The following HTR2C variants were observed in gnomAD, a reference collection of about 807,000 sequenced individuals.
HTR2C encodes the protein 5-hydroxytryptamine receptor 2C, also known as 5-hydroxytryptamine (serotonin) receptor 2C, G protein-coupled.
A neutral mutation model predicts 21.0 loss-of-function variants in HTR2C; 5 were observed. The ratio of observed to expected loss-of-function variants is 0.24; its 90% CI spans 0.12 to 0.50. The LOEUF (loss-of-function observed/expected upper bound fraction) is 0.50, where lower values mean the gene tolerates loss of function less well. HTR2C is among the 20% of genes least tolerant of loss of function. The pLI, the probability that HTR2C is intolerant of heterozygous loss-of-function variation, is 0.98. For synonymous variants in HTR2C, 150 were observed against 145.3 expected (o/e 1.03, Z -0.23); for missense variants, 271 against 371.2 (o/e 0.73, Z 2.22).
intron 1 of HTR2C, among the ~76,000 whole-genome samples, chrX:114,608,435 A>G (rs1300511955): frequency 3.7e-5 from 2 of 54,278 alleles, no homozygotes; most frequent in African/African-American, 6.4e-5. Flanking sequence ...CCCCAGCACT[A>G]GGCAACCAGT....
rs1173101259 is a variant in HTR2C at position 114,603,670 on chromosome X, C to T, written c.-146-10145C>T. ...AATGGGGGCTGTCTGTGAAGCTTTG[C>T]GGCAGTACAGCCTAGGTAATTTGCT... On this transcript the variant is annotated intron_variant, in intron 1 of 5. Coordinates refer to ENST00000276198, the MANE Select transcript of HTR2C (RefSeq NM_000868.4). 2.4e-4 allele frequency among the ~76,000 whole-genome samples: 10 copies of T among 42,451 alleles called. 1 individual carries two copies. Among genetic ancestry groups the T allele is most frequent in the African/African-American group, 9.3e-4 (10 of 10,703 alleles). The allele number at this position is 42,451 out of a possible 115,157, so 36.9% of individuals were successfully genotyped here.
At chrX:114,858,796 A>G (rs2070983988) in intron 5 of HTR2C, among the ~76,000 whole-genome samples, 1 of 110,858 alleles carries the variant, frequency 9.0e-6, no homozygotes, top group African/African-American at 3.3e-5. Flanking sequence ...CAACATTAAG[A>G]ATAATATTTG....
At chrX:114,818,311 G>A (rs1305296277) in intron 4 of HTR2C, among the ~76,000 whole-genome samples, 1 of 111,830 alleles carries the variant, frequency 8.9e-6, no homozygotes, top group Non-Finnish European at 1.9e-5. Context: ...GAGGATCTCA[G>A]TATCTAATGA....
At chrX:114,727,300 T>C (rs1314987803) in intron 3 of HTR2C, among the ~76,000 whole-genome samples, 1 of 112,093 alleles carries the variant, frequency 8.9e-6, no homozygotes, top group Non-Finnish European at 1.9e-5. Flanking sequence ...CTTTTCCTTC[T>C]TGCATGAACT....
At chrX:114,696,857 A>G (rs1932294296) in intron 2 of HTR2C, among the ~76,000 whole-genome samples, 1 of 111,250 alleles carries the variant, frequency 9.0e-6, no homozygotes, top group Non-Finnish European at 1.9e-5. Flanking sequence ...AGCAAAGAAA[A>G]TAATGCTCAT....
intron 1 of HTR2C, among the ~76,000 whole-genome samples, chrX:114,597,129 A>T (rs1927889134): frequency 9.4e-6 from 1 of 106,585 alleles, no homozygotes; most frequent in Admixed American, 1.0e-4. Context: ...GAGGCAGGAG[A>T]ATCACTTGAA....
intron 2 of HTR2C, among the ~76,000 whole-genome samples, chrX:114,674,424 G>T (rs1384693477): frequency 9.0e-6 from 1 of 111,650 alleles, no homozygotes; most frequent in African/African-American, 3.3e-5. Context: ...TTGTTTTCAA[G>T]AATTTATTTT....
chrX:114,861,546 T>A (rs2071006397), intron 5 of HTR2C, among the ~76,000 whole-genome samples: 1 of 111,720 alleles, frequency 9.0e-6, no homozygotes, highest in Admixed American at 9.6e-5. Context: ...ATTTCTAAAA[T>A]ATTAATTTTG....
rs782335724 is a variant in HTR2C at position 114,743,027 on chromosome X, A to G, written c.349+11420A>G. On this transcript the variant is annotated intron_variant, in intron 4 of 5. Transcript: ENST00000276198. ...AGTTTACTGAGAATGATGGTTTCCA[A>G]TTTCATCCATGTCCCTACAAAGGAC... Among the ~76,000 whole-genome samples the G allele has an allele frequency of 5.0e-4, 33 of 66,312 alleles. 1 individual carries two copies. The highest frequency in any genetic ancestry group is 4.6e-3 in the South Asian group (5 of 1,079). 57.6% of individuals were successfully genotyped at this position (66,312 alleles called of 115,157 possible). A position where few individuals can be genotyped will look rare whatever the true frequency, so the allele number is the denominator to read the frequency against.
chrX:114,616,176 C>G (rs1324700052), intron 2 of HTR2C, among the ~76,000 whole-genome samples: 1 of 109,379 alleles, frequency 9.1e-6, no homozygotes, highest in Non-Finnish European at 1.9e-5. Context: ...AGAAGAGTAC[C>G]AAGAGTTTTA....
intron 4 of HTR2C, among the ~76,000 whole-genome samples, chrX:114,805,406 C>CT (rs66522335): frequency 0.03 from 2,500 of 84,162 alleles, 94 homozygotes; most frequent in African/African-American, 0.078. Context: ...GTCTCCACCC[C>CT]TTTTTTTTTT....
chrX:114,749,467 A>G (rs1428527130), intron 4 of HTR2C, among the ~76,000 whole-genome samples: 4 of 106,215 alleles, frequency 3.8e-5, no homozygotes, highest in Non-Finnish European at 7.7e-5. Flanking sequence ...AAAAAAAAAA[A>G]AAAAAAAAAG....
At chrX:114,753,332 G>T (rs1556428733) in intron 4 of HTR2C, among the ~76,000 whole-genome samples, 1 of 111,773 alleles carries the variant, frequency 8.9e-6, no homozygotes, top group Non-Finnish European at 1.9e-5. Context: ...GGATATCAAT[G>T]TTCACCACTG....
At chrX:114,809,941 C>A (rs1387551780) in intron 4 of HTR2C, among the ~76,000 whole-genome samples, 3 of 111,866 alleles carry the variant, frequency 2.7e-5, no homozygotes, top group East Asian at 2.8e-4. Flanking sequence ...AAATTCTGCT[C>A]GGCTACCACT....
intron 4 of HTR2C, among the ~76,000 whole-genome samples, chrX:114,846,937 G>A (rs1556467694): frequency 8.9e-6 from 1 of 111,848 alleles, no homozygotes; most frequent in African/African-American, 3.2e-5. Context: ...TCTAATAAAT[G>A]AATTCAGCAA....
chrX:114,825,398 A>AT (rs1462470784), intron 4 of HTR2C, among the ~76,000 whole-genome samples: 7 of 111,686 alleles, frequency 6.3e-5, no homozygotes, highest in African/African-American at 2.3e-4. Flanking sequence ...GAATTGTGTT[A>AT]TTTAATTTGC....
chrX:114,842,868 G>A (rs1308364296), intron 4 of HTR2C, among the ~76,000 whole-genome samples: 1 of 111,467 alleles, frequency 9.0e-6, no homozygotes, highest in Admixed American at 9.6e-5. Context: ...AAACTAACAG[G>A]ATGCTGATTT....
At chrX:114,732,343 G>C (rs782082968) in intron 4 of HTR2C, among the ~76,000 whole-genome samples, 1 of 111,709 alleles carries the variant, frequency 9.0e-6, no homozygotes, top group South Asian at 3.7e-4. Context: ...ACTCTACAAA[G>C]TATCTTTACT....
intron 4 of HTR2C, among the ~76,000 whole-genome samples, chrX:114,735,569 G>C (rs2069582383): frequency 9.0e-6 from 1 of 110,806 alleles, no homozygotes; most frequent in African/African-American, 3.3e-5. Flanking sequence ...AAATTAGGAA[G>C]AGAAAGAGGA....
Sources: allele counts gnomAD v4.1 joint callset (sites outside exome capture counted in the v4.1 genomes callset), GRCh38; gene constraint gnomAD v4.1.1; transcripts MANE v1.5; gene names NCBI Gene and HGNC (gene_info 2026-07-23, HGNC 2026-07-21).